The following JAM2 variants were observed in gnomAD, a reference collection of about 807,000 sequenced individuals.
JAM2 encodes the protein junctional adhesion molecule B.
In JAM2, 17 loss-of-function variants were observed where a neutral mutation model predicts 42.0. That is an observed-to-expected ratio of 0.40 (90% CI 0.28 to 0.61). The LOEUF is 0.61. Ranked by LOEUF, JAM2 falls within the 20% of genes least tolerant of loss-of-function variation. The pLI is 0.37. For synonymous variants in JAM2, 118 were observed against 128.6 expected (o/e 0.92, Z 0.56); for missense variants, 319 against 358.3 (o/e 0.89, Z 0.89).
chr21:25,712,430 A>G, intron 9 of JAM2, 48 bp downstream of exon 9: 1 of 1,319,608 alleles, frequency 7.6e-7, no homozygotes, highest in Non-Finnish European at 1.1e-6. Context: ...TTTGGGGAAT[A>G]GGGCAGGGAA....
At chr21:25,672,075 G>A (rs2033375056) in intron 1 of JAM2, among the ~76,000 whole-genome samples, 1 of 152,016 alleles carries the variant, frequency 6.6e-6, no homozygotes, top group South Asian at 2.1e-4. Context: ...GATGTATCTT[G>A]TCACATACAT....
In JAM2 at chr21:25,716,881, CAA is replaced by C. The variant is rs1398037984; in HGVS notation, c.*2210_*2211del. Reference sequence around the variant, plus strand: ...ATGCTTTCCTCTTGCATTGGCATGCCAAGAGGATAGATGACTCTGAAAGACGC... The same window carrying C: ...ATGCTTTCCTCTTGCATTGGCATGCCGAGGATAGATGACTCTGAAAGACGC... On this transcript the variant is annotated 3_prime_UTR_variant, in exon 10 of 10. Coordinates refer to ENST00000480456, the MANE Select transcript of JAM2 (RefSeq NM_021219.4). The C allele has an allele frequency of 6.6e-6, 1 of 152,144 alleles. No individual in the cohort carries two copies. Among genetic ancestry groups the C allele is most frequent in the Non-Finnish European group, 1.5e-5 (1 of 68,026 alleles). 9.4% of individuals were successfully genotyped at this position (152,144 alleles called of 1,614,324 possible).
intron 2 of JAM2, among the ~76,000 whole-genome samples, chr21:25,684,995 T>C (rs2033718173): frequency 6.6e-6 from 1 of 152,214 alleles, no homozygotes; most frequent in South Asian, 2.1e-4. Flanking sequence ...AGAATTACTA[T>C]TTCTTAAATT....
At position 25,696,281 on chromosome 21, in the gene JAM2, G is replaced by C. The variant is rs899153524; in HGVS notation, c.394+2373G>C. On this transcript the variant is annotated intron_variant, in intron 4 of 9. Coordinates refer to ENST00000480456, the MANE Select transcript of JAM2 (RefSeq NM_021219.4). ...CGCGCGCCTGCAATCCCAGGCGCTCGGCAGGCTGAGGCAGGAGAATCAGGC... is the reference window on the plus strand; with the variant it reads ...CGCGCGCCTGCAATCCCAGGCGCTCCGCAGGCTGAGGCAGGAGAATCAGGC... Among the ~76,000 whole-genome samples, 133 of 152,252 alleles carry C rather than the reference G, an allele frequency of 8.7e-4. 1 individual carries two copies. In the South Asian group the frequency reaches 8.9e-3, roughly 10 times the overall value.
At chr21:25,690,545 C>A (rs2033857000) in intron 3 of JAM2, among the ~76,000 whole-genome samples, 1 of 151,254 alleles carries the variant, frequency 6.6e-6, no homozygotes, top group Non-Finnish European at 1.5e-5. Context: ...GTGAGGTCTC[C>A]CTATGTTGCC....
At chr21:25,670,647 C>T (rs1024803062) in intron 1 of JAM2, among the ~76,000 whole-genome samples, 4 of 152,152 alleles carry the variant, frequency 2.6e-5, no homozygotes, top group South Asian at 2.1e-4. Context: ...TAAAAAAGTG[C>T]GTGTTGGTGT....
At chr21:25,688,356 T>C (rs575069008) in intron 2 of JAM2, among the ~76,000 whole-genome samples, 2 of 152,060 alleles carry the variant, frequency 1.3e-5, no homozygotes, top group South Asian at 2.1e-4. Context: ...AAGTGTAAAA[T>C]TACTCTTAAG....
At chr21:25,698,488 G>C (rs1477385518) in intron 4 of JAM2, among the ~76,000 whole-genome samples, 189 bp from the exon 5 acceptor site, 1 of 152,170 alleles carries the variant, frequency 6.6e-6, no homozygotes, top group Non-Finnish European at 1.5e-5. Context: ...GGTCGACTGT[G>C]TGCCCATGAA....
chr21:25,652,323 T>C (rs576652595), intron 1 of JAM2, among the ~76,000 whole-genome samples: 33 of 152,228 alleles, frequency 2.2e-4, no homozygotes, highest in Middle Eastern at 3.4e-3. Context: ...TCCTGGGAGA[T>C]CGAGGCTGTG....
chr21:25,657,662 T>C (rs2032975721), intron 1 of JAM2, among the ~76,000 whole-genome samples: 1 of 152,204 alleles, frequency 6.6e-6, no homozygotes, highest in African/African-American at 2.4e-5. Flanking sequence ...ATCATATGGT[T>C]TTAGAAAAGC....
At position 25,704,503 on chromosome 21, in the gene JAM2, C is replaced by G. The variant is rs184686840; in HGVS notation, c.698-1476C>G. Among the ~76,000 whole-genome samples the G allele has an allele frequency of 3.0e-3, 458 of 152,260 alleles. 1 individual carries two copies. Among genetic ancestry groups the G allele is most frequent in the African/African-American group, 0.01 (430 of 41,560 alleles). ...ACTTAAACAGTATCTCTAAAAAGAT[C>G]ATTTCCAAAATGTACATTGCTTTAA... On this transcript the variant is annotated intron_variant, in intron 6 of 9. Coordinates refer to ENST00000480456, the MANE Select transcript of JAM2 (RefSeq NM_021219.4).
rs2034478420 is a variant in JAM2, at chr21:25,716,215, C to G, written c.*1543C>G. 6.6e-6 allele frequency: 1 copy of G among 152,546 alleles called. No homozygotes were observed. The highest frequency in any genetic ancestry group is 6.5e-5 in the Admixed American group (1 of 15,270). 9.4% of individuals were successfully genotyped at this position (152,546 alleles called of 1,614,324 possible). ...TTCACCATGTTGGCCAGGCTGGTCT[C>G]AAACCTCTGACCTCAAATGATCCAC... On this transcript the variant is annotated 3_prime_UTR_variant, in exon 10 of 10. Transcript: ENST00000480456.
At chr21:25,691,517 G>A (rs1277983125) in intron 3 of JAM2, among the ~76,000 whole-genome samples, 4 of 152,064 alleles carry the variant, frequency 2.6e-5, no homozygotes, top group Non-Finnish European at 5.9e-5. Flanking sequence ...CCACCACACC[G>A]GGTGCAAAAC....
At chr21:25,664,801 A>G (rs916724120) in intron 1 of JAM2, among the ~76,000 whole-genome samples, 2 of 152,226 alleles carry the variant, frequency 1.3e-5, no homozygotes, top group Non-Finnish European at 2.9e-5. Context: ...AGAGGCTCCA[A>G]TAAGTCCTTT....
chr21:25,668,938 A>T (rs1486016153), intron 1 of JAM2, among the ~76,000 whole-genome samples: 4 of 152,218 alleles, frequency 2.6e-5, no homozygotes, highest in African/African-American at 9.6e-5. Flanking sequence ...GGAAGGCATC[A>T]TCATAAATTA....
intron 8 of JAM2, among the ~76,000 whole-genome samples, chr21:25,710,380 A>G (rs2034358592): frequency 6.6e-6 from 1 of 152,160 alleles, no homozygotes. Context: ...CAGAAAATAA[A>G]CAGGTAATAC....
At chr21:25,657,556 C>T (rs1046590494) in intron 1 of JAM2, among the ~76,000 whole-genome samples, 11 of 152,022 alleles carry the variant, frequency 7.2e-5, no homozygotes, top group African/African-American at 1.2e-4. Flanking sequence ...TAACCACAAA[C>T]GTCAAATTTT....
At position 25,653,668 on chromosome 21, in the gene JAM2, G is replaced by A. The variant is rs562176526; in HGVS notation, c.67+13780G>A. Among the ~76,000 whole-genome samples the A allele has an allele frequency of 1.0e-3, 155 of 152,264 alleles. 1 individual carries two copies. Among genetic ancestry groups the A allele is most frequent in the African/African-American group, 3.6e-3 (150 of 41,548 alleles). ...TCATGAGAACAGCATGAGAGAAACT[G>A]CCACCATGATTGTTACCTCTATCTC... On this transcript the variant is annotated intron_variant, in intron 1 of 9. Transcript: ENST00000480456.
At chr21:25,662,520 C>T (rs2033116478) in intron 1 of JAM2, among the ~76,000 whole-genome samples, 1 of 152,054 alleles carries the variant, frequency 6.6e-6, no homozygotes, top group Non-Finnish European at 1.5e-5. Context: ...GTGACGTGAT[C>T]ATAGCTCACT....
Sources: gnomAD v4.1 joint callset for allele counts (sites outside exome capture counted in the v4.1 genomes callset) on GRCh38, gnomAD v4.1.1 for gene constraint, MANE v1.5 for transcripts, NCBI Gene and HGNC (gene_info 2026-07-23, HGNC 2026-07-21) for gene names.